CCDC178: variants seen among roughly 807,000 people sequenced by gnomAD.
CCDC178 encodes coiled-coil domain containing 178.
CCDC178 carries 126 observed loss-of-function variants against 117.4 expected under a neutral mutation model. The ratio of observed to expected loss-of-function variants is 1.07; its 90% CI spans 0.93 to 1.24. CCDC178 has a LOEUF of 1.24. CCDC178 is among the 50% of genes most tolerant of loss of function. CCDC178 has a pLI of 0.00. For missense variants in CCDC178, 1,030 were observed against 986.9 expected (o/e 1.04, Z -0.59); for synonymous variants, 283 against 313.4 (o/e 0.90, Z 1.02).
chr18:33,123,195 T>C (rs1333820487), intron 20 of CCDC178, among the ~76,000 whole-genome samples: 1 of 152,126 alleles, frequency 6.6e-6, no homozygotes, highest in Non-Finnish European at 1.5e-5. Flanking sequence ...AAAAATAATA[T>C]AAAAGTACTA....
intron 2 of CCDC178, among the ~76,000 whole-genome samples, chr18:33,423,605 C>A (rs551099860): frequency 1.4e-4 from 22 of 152,172 alleles, no homozygotes; most frequent in Admixed American, 1.2e-3. Flanking sequence ...ATCTCTAGGG[C>A]AGGCATGTGG....
At chr18:32,959,263 T>G (rs1046616480) in intron 22 of CCDC178, among the ~76,000 whole-genome samples, 10 of 152,114 alleles carry the variant, frequency 6.6e-5, no homozygotes, top group South Asian at 4.1e-4. Flanking sequence ...TTTCTCCTAT[T>G]GATAATATGT....
chr18:33,416,115 C>A (rs2063936333), intron 2 of CCDC178, among the ~76,000 whole-genome samples: 1 of 152,100 alleles, frequency 6.6e-6, no homozygotes, highest in Non-Finnish European at 1.5e-5. Context: ...CATCTCTACT[C>A]CAGCTAAACA....
In CCDC178 at chr18:33,092,959, G is replaced by A. The variant is rs140656627; in HGVS notation, c.2239-49C>T. ...GAATTGTGTGTATATATATATAAAC[G>A]CAATTAAAATCATTTGGATTTGTTT... On this transcript the variant is annotated intron_variant, in intron 20 of 22. Coordinates refer to ENST00000383096, the MANE Select transcript of CCDC178 (RefSeq NM_001105528.4). The A allele has an allele frequency of 3.7e-4, 406 of 1,095,944 alleles. 1 individual carries two copies. The African/African-American group carries it at 5.4e-3, about 15-fold the overall frequency. The allele number at this position is 1,095,944 out of a possible 1,614,324, so 67.9% of individuals were successfully genotyped here. A position where few individuals can be genotyped will look rare whatever the true frequency, so the allele number is the denominator to read the frequency against.
chr18:32,994,441 T>C (rs966485246), intron 21 of CCDC178, among the ~76,000 whole-genome samples: 3 of 152,194 alleles, frequency 2.0e-5, no homozygotes, highest in Non-Finnish European at 4.4e-5. Context: ...TTAACTCTTT[T>C]TTAATCTCCT....
chr18:33,074,308 G>A lies in CCDC178; in HGVS notation c.2388+18453C>T, dbSNP rs150168650. Among the ~76,000 whole-genome samples, 589 of 152,090 alleles carry A rather than the reference G, an allele frequency of 3.9e-3. 3 individuals are homozygous for A. Among genetic ancestry groups the A allele is most frequent in the African/African-American group, 0.013 (524 of 41,492 alleles). On this transcript the variant is annotated intron_variant, in intron 21 of 22. Coordinates refer to ENST00000383096, the MANE Select transcript of CCDC178 (RefSeq NM_001105528.4). ...CACAGATTAAGAAAGAAAACATTACGTCATTCTCAACCTCCCTTTATGCCC... is the reference window on the plus strand; with the variant it reads ...CACAGATTAAGAAAGAAAACATTACATCATTCTCAACCTCCCTTTATGCCC...
At chr18:33,308,166 G>A (rs1234867679) in intron 11 of CCDC178, among the ~76,000 whole-genome samples, 1 of 152,218 alleles carries the variant, frequency 6.6e-6, no homozygotes, top group African/African-American at 2.4e-5. Flanking sequence ...GCCCATGAAA[G>A]CAGGCTGGAT....
intron 20 of CCDC178, among the ~76,000 whole-genome samples, chr18:33,173,194 T>C (rs1814071410): frequency 6.6e-6 from 1 of 152,024 alleles, no homozygotes; most frequent in Non-Finnish European, 1.5e-5. Flanking sequence ...GGACTACAGG[T>C]GCAGGCTACC....
chr18:33,162,088 A>G (rs1216009737), intron 20 of CCDC178, among the ~76,000 whole-genome samples: 2 of 152,152 alleles, frequency 1.3e-5, no homozygotes, highest in African/African-American at 4.8e-5. Flanking sequence ...AAGGACAGAA[A>G]ACCAAACACC....
chr18:33,171,295 G>A (rs754383282), intron 20 of CCDC178, among the ~76,000 whole-genome samples: 5 of 152,108 alleles, frequency 3.3e-5, no homozygotes, highest in Non-Finnish European at 7.4e-5. Flanking sequence ...CAAACAGAAG[G>A]TGCAGAATAA....
chr18:32,970,876 T>C (rs8086941), intron 22 of CCDC178, among the ~76,000 whole-genome samples: 359 of 152,108 alleles, frequency 2.4e-3, no homozygotes, highest in African/African-American at 8.4e-3. Flanking sequence ...CGTGGGTATA[T>C]ACAGGGTACA....
At chr18:33,422,499 G>C (rs561658798) in intron 2 of CCDC178, among the ~76,000 whole-genome samples, 10 of 152,096 alleles carry the variant, frequency 6.6e-5, no homozygotes, top group African/African-American at 2.4e-4. Flanking sequence ...ACATCCAATA[G>C]AACTTTCATG....
At chr18:32,977,260 A>C (rs529984125) in intron 21 of CCDC178, among the ~76,000 whole-genome samples, 62 of 152,262 alleles carry the variant, frequency 4.1e-4, no homozygotes, top group African/African-American at 1.4e-3. Context: ...ATATCAGTTA[A>C]AGTTCAATGG....
At chr18:33,347,130 T>C (rs1317241351) in intron 8 of CCDC178, among the ~76,000 whole-genome samples, 1 of 152,134 alleles carries the variant, frequency 6.6e-6, no homozygotes, top group Non-Finnish European at 1.5e-5. Flanking sequence ...AGAAGACAGA[T>C]ATGAGTCCTA....
intron 5 of CCDC178, among the ~76,000 whole-genome samples, chr18:33,388,950 G>A (rs1599257810): frequency 6.6e-6 from 1 of 152,108 alleles, no homozygotes; most frequent in Admixed American, 6.5e-5. Context: ...AGAGCACGTG[G>A]ACATAGGGAG....
chr18:33,106,199 T>TA (rs1441239981), intron 20 of CCDC178, among the ~76,000 whole-genome samples: 36 of 151,754 alleles, frequency 2.4e-4, no homozygotes, highest in African/African-American at 8.7e-4. Context: ...TTCTTTGTCC[T>TA]AGGTCAGAAC....
intron 9 of CCDC178, among the ~76,000 whole-genome samples, chr18:33,339,334 A>C (rs2062783346): frequency 6.6e-6 from 1 of 151,952 alleles, no homozygotes. Flanking sequence ...CAAAATTGAC[A>C]AATCTTTTGC....
At chr18:33,070,556 C>T (rs933767842) in intron 21 of CCDC178, among the ~76,000 whole-genome samples, 5 of 151,892 alleles carry the variant, frequency 3.3e-5, no homozygotes, top group Non-Finnish European at 7.4e-5. Context: ...TTAATGAGTA[C>T]AAACATACAG....
At chr18:32,949,744 G>A (rs2054438490) in intron 22 of CCDC178, among the ~76,000 whole-genome samples, 1 of 151,892 alleles carries the variant, frequency 6.6e-6, no homozygotes, top group Non-Finnish European at 1.5e-5. Flanking sequence ...TACTTTTCTG[G>A]TATTTTTTGC....
Sources: gnomAD v4.1 joint callset for allele counts (sites outside exome capture counted in the v4.1 genomes callset) on GRCh38, gnomAD v4.1.1 for gene constraint, MANE v1.5 for transcripts, NCBI Gene and HGNC (gene_info 2026-07-23, HGNC 2026-07-21) for gene names.